The following NCAM1 variants were observed in gnomAD, a reference collection of about 807,000 sequenced individuals.
The protein encoded by NCAM1 is neural cell adhesion molecule 1.
Under a neutral mutation model 109.8 loss-of-function variants are expected in NCAM1, and 14 were observed. That is an observed-to-expected ratio of 0.13 (90% CI 0.08 to 0.20). The LOEUF (loss-of-function observed/expected upper bound fraction) is 0.20, where lower values mean the gene tolerates loss of function less well. Among genes scored for constraint, NCAM1 ranks in the 10% least tolerant of loss-of-function variants. The pLI is 1.00. For synonymous variants in NCAM1, 418 were observed against 442.9 expected (o/e 0.94, Z 0.70); for missense variants, 774 against 1,109.9 (o/e 0.70, Z 4.30).
intron 8 of NCAM1, among the ~76,000 whole-genome samples, chr11:113,216,012 T>A (rs1332411740): frequency 2.0e-5 from 3 of 152,252 alleles, no homozygotes; most frequent in Admixed American, 2.0e-4. Flanking sequence ...CTATCTCAGA[T>A]GAATGATGCT....
rs1416819607 is a variant in NCAM1, at chr11:112,963,616, T to C, written c.52+1952T>C. Among the ~76,000 whole-genome samples the C allele has an allele frequency of 3.3e-5, 5 of 152,042 alleles. No homozygotes were observed. Among genetic ancestry groups the C allele is most frequent in the Admixed American group, 6.5e-5 (1 of 15,290 alleles). On this transcript the variant is annotated intron_variant, in intron 1 of 19. Transcript: ENST00000316851. This position sits in a 1 kb window ranked among gnomAD's most constrained non-coding sequence, Gnocchi z 4.6. ...ACCCCGGTTATGCCCCTTTCCGCGG[T>C]GCCCGTGGGTGCCGCGACGCGACCT...
chr11:113,204,941 T>TG (rs1402583369), intron 3 of NCAM1, among the ~76,000 whole-genome samples: 1 of 152,184 alleles, frequency 6.6e-6, no homozygotes, highest in Non-Finnish European at 1.5e-5. Flanking sequence ...CATCTGTAGG[T>TG]GGCATCTCGT....
In NCAM1 at chr11:113,053,372, C is replaced by T. The variant is rs141205834; in HGVS notation, c.52+91708C>T. The stretch of plus-strand genomic sequence containing the variant: ...TGAATAGTGCTGCAATGAACATACA[C>T]GTGTATGCATATTTGTCATGGAATG... On this transcript the variant is annotated intron_variant, in intron 1 of 19. Transcript: ENST00000316851. Among the ~76,000 whole-genome samples the T allele has an allele frequency of 1.1e-4, 17 of 152,168 alleles. No homozygotes were observed. In the South Asian group the frequency reaches 1.9e-3, roughly 17 times the overall value.
intron 17 of NCAM1, chr11:113,263,249 C>G (rs2137686968): frequency 9.5e-7 from 1 of 1,047,762 alleles, no homozygotes. Flanking sequence ...CTACTTGTTG[C>G]ATTTTGGGTT....
At chr11:113,082,877 G>A (rs782086144) in intron 1 of NCAM1, among the ~76,000 whole-genome samples, 19 of 152,136 alleles carry the variant, frequency 1.2e-4, no homozygotes, top group African/African-American at 2.2e-4. Flanking sequence ...TGCCTCTTGC[G>A]TCATCAAATT....
At chr11:113,155,417 G>A (rs1942372456) in intron 1 of NCAM1, among the ~76,000 whole-genome samples, 1 of 151,904 alleles carries the variant, frequency 6.6e-6, no homozygotes, top group South Asian at 2.1e-4. Flanking sequence ...GCTGAGACAG[G>A]AGAATCACTT....
At chr11:112,985,839 T>C (rs1951286931) in intron 1 of NCAM1, among the ~76,000 whole-genome samples, 1 of 151,984 alleles carries the variant, frequency 6.6e-6, no homozygotes, top group South Asian at 2.1e-4. Flanking sequence ...AAAGATTATG[T>C]TACCTGCAAA....
chr11:113,243,251 G>A (rs1945391904), intron 14 of NCAM1, among the ~76,000 whole-genome samples: 3 of 152,226 alleles, frequency 2.0e-5, no homozygotes, highest in African/African-American at 7.2e-5. Flanking sequence ...GACTGAGAGC[G>A]AGGGAAGGAA....
chr11:113,136,537 G>A (rs1941604657), intron 1 of NCAM1, among the ~76,000 whole-genome samples: 1 of 152,230 alleles, frequency 6.6e-6, no homozygotes, highest in African/African-American at 2.4e-5. Flanking sequence ...GGGTCAGGAA[G>A]ACGAGGAGGC....
At chr11:113,192,871 G>A (rs1446067514) in intron 1 of NCAM1, among the ~76,000 whole-genome samples, 1 of 152,068 alleles carries the variant, frequency 6.6e-6, no homozygotes, top group Non-Finnish European at 1.5e-5. Context: ...TTAGTAAATG[G>A]CTCTGCAATC....
intron 15 of NCAM1, among the ~76,000 whole-genome samples, chr11:113,249,198 A>G (rs1349011843): frequency 6.6e-6 from 1 of 152,206 alleles, no homozygotes; most frequent in Non-Finnish European, 1.5e-5. Context: ...CTTCCTTCTT[A>G]GATTGAAAAC....
intron 1 of NCAM1, among the ~76,000 whole-genome samples, chr11:112,967,682 T>A (rs1950765202): frequency 6.6e-6 from 1 of 152,186 alleles, no homozygotes; most frequent in South Asian, 2.1e-4. Flanking sequence ...TTAGACATAG[T>A]GCCCTCTTTT....
intron 1 of NCAM1, among the ~76,000 whole-genome samples, chr11:113,102,012 T>A (rs558809955): frequency 4.6e-5 from 7 of 152,324 alleles, no homozygotes; most frequent in African/African-American, 1.7e-4. Flanking sequence ...GTTTTTATTT[T>A]CCCCTAAGTA....
chr11:113,003,063 T>G (rs1177244940), intron 1 of NCAM1, among the ~76,000 whole-genome samples: 1 of 152,264 alleles, frequency 6.6e-6, no homozygotes, highest in Non-Finnish European at 1.5e-5. Flanking sequence ...CTTAGTTTCT[T>G]GGTATTTCAG....
chr11:113,235,911 C>G (rs1231501250), intron 14 of NCAM1, among the ~76,000 whole-genome samples: 1 of 152,198 alleles, frequency 6.6e-6, no homozygotes, highest in African/African-American at 2.4e-5. Flanking sequence ...CCTTTGCAGA[C>G]AGAGATACTA....
At chr11:113,271,941 AC>A in intron 19 of NCAM1, 65 bp downstream of exon 19, 6 of 1,202,454 alleles carry the variant, frequency 5.0e-6, no homozygotes, top group Non-Finnish European at 5.7e-6. Flanking sequence ...TCCCCACCCT[AC>A]CCCCACCTCC....
chr11:113,196,981 T>C (rs1207492572), intron 1 of NCAM1, among the ~76,000 whole-genome samples: 1 of 152,170 alleles, frequency 6.6e-6, no homozygotes, highest in African/African-American at 2.4e-5. Context: ...TTGGGAAACT[T>C]ACAATCATGG....
chr11:112,966,528 G>T (rs1213138411), intron 1 of NCAM1, among the ~76,000 whole-genome samples: 8 of 152,156 alleles, frequency 5.3e-5, no homozygotes, highest in African/African-American at 1.9e-4. Context: ...CTTACTGTAG[G>T]GTAATAGAAT....
At chr11:113,114,668 T>C (rs1239611503) in intron 1 of NCAM1, among the ~76,000 whole-genome samples, 1 of 152,188 alleles carries the variant, frequency 6.6e-6, no homozygotes, top group African/African-American at 2.4e-5. Flanking sequence ...TGAGCCACAG[T>C]GCTCTGAGAG....
Sources: allele counts gnomAD v4.1 joint callset (sites outside exome capture counted in the v4.1 genomes callset), GRCh38; gene constraint gnomAD v4.1.1; non-coding constraint Gnocchi (gnomAD v3.1); transcripts MANE v1.5; gene names NCBI Gene and HGNC (gene_info 2026-07-23, HGNC 2026-07-21).